The following PTPRG variants were observed in gnomAD, a reference collection of about 807,000 sequenced individuals.
The protein encoded by PTPRG is receptor-type tyrosine-protein phosphatase gamma.
Under a neutral mutation model 165.3 loss-of-function variants are expected in PTPRG, and 102 were observed. That is an observed-to-expected ratio of 0.62 (90% CI 0.53 to 0.73). The LOEUF (loss-of-function observed/expected upper bound fraction) is 0.73. Ranked by LOEUF, PTPRG falls within the 30% of genes least tolerant of loss-of-function variation. The pLI is 0.00. For synonymous variants in PTPRG, 675 were observed against 669.5 expected (o/e 1.01, Z -0.13); for missense variants, 1,866 against 1,861.4 (o/e 1.00, Z -0.05).
intron 2 of PTPRG, among the ~76,000 whole-genome samples, chr3:61,787,679 G>T (rs1368258599): frequency 6.6e-6 from 1 of 152,140 alleles, no homozygotes; most frequent in East Asian, 1.9e-4. Flanking sequence ...ATTTTGGTAT[G>T]ATGGACACAA....
intron 4 of PTPRG, among the ~76,000 whole-genome samples, chr3:62,059,261 A>G (rs1700728881): frequency 1.3e-5 from 2 of 152,204 alleles, no homozygotes; most frequent in South Asian, 4.1e-4. Flanking sequence ...GGAACTCACA[A>G]AATTATAGAT....
At chr3:62,117,631 G>A (rs1259486239) in intron 5 of PTPRG, among the ~76,000 whole-genome samples, 1 of 152,136 alleles carries the variant, frequency 6.6e-6, no homozygotes, top group African/African-American at 2.4e-5. Flanking sequence ...GGCTTACTGT[G>A]GAAGAGGCAC....
intron 28 of PTPRG, among the ~76,000 whole-genome samples, chr3:62,285,527 G>GA (rs1559763239): frequency 1.5e-5 from 2 of 135,484 alleles, no homozygotes; most frequent in African/African-American, 5.6e-5. Context: ...TGGTTGTTGG[G>GA]GGGGGGGGGT....
intron 4 of PTPRG, among the ~76,000 whole-genome samples, chr3:62,022,424 TG>T (rs1559751748): frequency 6.6e-6 from 1 of 152,208 alleles, no homozygotes; most frequent in East Asian, 1.9e-4. Flanking sequence ...CATAACTGAC[TG>T]GCAGACATAA....
At chr3:61,785,018 G>A (rs1184875964) in intron 2 of PTPRG, among the ~76,000 whole-genome samples, 3 of 152,112 alleles carry the variant, frequency 2.0e-5, no homozygotes, top group Admixed American at 6.5e-5. Context: ...TCATCATTAC[G>A]TAGAGCACAG....
intron 1 of PTPRG, among the ~76,000 whole-genome samples, chr3:61,566,313 C>T (rs907843152): frequency 6.6e-6 from 1 of 152,232 alleles, no homozygotes; most frequent in African/African-American, 2.4e-5. Flanking sequence ...TGATTTAATG[C>T]AGCAAAACAA....
At position 61,866,582 on chromosome 3, in the gene PTPRG, C is replaced by CTTTTT. The variant is rs532356516; in HGVS notation, c.190+117632_190+117636dup. 8.1e-4 allele frequency among the ~76,000 whole-genome samples: 56 copies of CTTTTT among 69,110 alleles called. 18 individuals are homozygous for CTTTTT. Among genetic ancestry groups the CTTTTT allele is most frequent in the Non-Finnish European group, 1.4e-3 (45 of 33,138 alleles). 45.3% of individuals were successfully genotyped at this position (69,110 alleles called of 152,430 possible). On this transcript the variant is annotated intron_variant, in intron 2 of 29. Transcript: ENST00000474889. ...TTCCCTGGCTTTGGAACTGTTTGCT[C>CTTTTT]TTTTTTTTTTTTTTTTTTTTTTTTT...
At chr3:61,819,095 T>A (rs940740567) in intron 2 of PTPRG, among the ~76,000 whole-genome samples, 25 of 151,706 alleles carry the variant, frequency 1.6e-4, no homozygotes, top group Admixed American at 3.9e-4. Flanking sequence ...CTTGTGAAAC[T>A]TTTTTTTTCT....
chr3:62,194,947 C>A (rs1416750891), intron 9 of PTPRG, 115 bp from the exon 10 acceptor site: 1 of 942,382 alleles, frequency 1.1e-6, no homozygotes, highest in Non-Finnish European at 1.7e-6. Context: ...CTTTGGTCAG[C>A]AGGGAAGCAT....
At chr3:61,696,531 C>A (rs1357273519) in intron 1 of PTPRG, among the ~76,000 whole-genome samples, 2 of 152,154 alleles carry the variant, frequency 1.3e-5, no homozygotes, top group Non-Finnish European at 2.9e-5. Flanking sequence ...AAATTCTAGC[C>A]ACATGCTTAT....
At chr3:62,024,484 G>A (rs1314053376) in intron 4 of PTPRG, among the ~76,000 whole-genome samples, 1 of 152,160 alleles carries the variant, frequency 6.6e-6, no homozygotes, top group Non-Finnish European at 1.5e-5. Flanking sequence ...CTGTGATTAA[G>A]TGATTTTAAT....
chr3:61,837,729 G>A (rs1031091440), intron 2 of PTPRG, among the ~76,000 whole-genome samples: 1 of 152,206 alleles, frequency 6.6e-6, no homozygotes, highest in Non-Finnish European at 1.5e-5. Context: ...AATAAGTGAA[G>A]ACATTGAAAC....
rs1340174517 is a variant in PTPRG at position 61,581,620 on chromosome 3, T to C, written c.85+19248T>C. Reference sequence around the variant, plus strand: ...TTGCTTCTTTTTTTCTTTTTTTTTTTTTTTTTTATGAGACAGTCTCGCTCT... The same window carrying C: ...TTGCTTCTTTTTTTCTTTTTTTTTTCTTTTTTTATGAGACAGTCTCGCTCT... On this transcript the variant is annotated intron_variant, in intron 1 of 29. Transcript: ENST00000474889. Among the ~76,000 whole-genome samples the C allele has an allele frequency of 1.4e-3, 206 of 151,182 alleles. 2 individuals are homozygous for C. The highest frequency in any genetic ancestry group is 4.6e-3 in the African/African-American group (192 of 41,306).
At chr3:61,884,426 C>A (rs2037973277) in intron 2 of PTPRG, among the ~76,000 whole-genome samples, 1 of 152,134 alleles carries the variant, frequency 6.6e-6, no homozygotes, top group South Asian at 2.1e-4. Flanking sequence ...TATAAACAAA[C>A]AAATGCATTA....
chr3:62,090,130 G>C (rs1701880402), intron 5 of PTPRG, among the ~76,000 whole-genome samples: 1 of 152,144 alleles, frequency 6.6e-6, no homozygotes, highest in Non-Finnish European at 1.5e-5. Context: ...ATAATAAAAT[G>C]TTCTGCATAT....
At chr3:61,900,799 A>G (rs1384440321) in intron 2 of PTPRG, among the ~76,000 whole-genome samples, 1 of 152,154 alleles carries the variant, frequency 6.6e-6, no homozygotes, top group Non-Finnish European at 1.5e-5. Flanking sequence ...CTGTAGTTAA[A>G]AAAAAAAATC....
intron 2 of PTPRG, among the ~76,000 whole-genome samples, chr3:61,821,755 C>T (rs533863851): frequency 6.6e-5 from 10 of 152,276 alleles, no homozygotes; most frequent in Admixed American, 1.3e-4. Context: ...GATGACAATA[C>T]TGAATATGAT....
chr3:62,108,604 C>T (rs560239478), intron 5 of PTPRG, among the ~76,000 whole-genome samples: 2 of 152,290 alleles, frequency 1.3e-5, no homozygotes, highest in South Asian at 4.2e-4. Context: ...GTTCTAGACC[C>T]TTGAGGAATC....
intron 12 of PTPRG, among the ~76,000 whole-genome samples, chr3:62,205,361 C>T (rs1051125332): frequency 2.6e-5 from 4 of 152,130 alleles, no homozygotes; most frequent in Non-Finnish European, 4.4e-5. Flanking sequence ...GAAACATGTA[C>T]GGAATGCCCA....
Sources: allele counts gnomAD v4.1 joint callset (sites outside exome capture counted in the v4.1 genomes callset), GRCh38; gene constraint gnomAD v4.1.1; transcripts MANE v1.5; gene names NCBI Gene and HGNC (gene_info 2026-07-23, HGNC 2026-07-21).